KICS2: variants seen among roughly 807,000 people sequenced by gnomAD.
The protein encoded by KICS2 is KICSTOR complex protein C12orf66.
Under a neutral mutation model 31.4 loss-of-function variants are expected in KICS2, and 13 were observed. That is an observed-to-expected ratio of 0.41 (90% confidence interval 0.27 to 0.66). KICS2 has a LOEUF of 0.66. KICS2 is among the 30% of genes least tolerant of loss of function. The pLI, the probability that KICS2 is intolerant of heterozygous loss-of-function variation, is 0.28. For missense variants in KICS2, 455 were observed against 545.4 expected (o/e 0.83, Z 1.65); for synonymous variants, 209 against 214.8 (o/e 0.97, Z 0.24).
At chr12:64,188,716 G>T (rs1387172307), downstream of KICS2, among the ~76,000 whole-genome samples, 1 of 152,120 alleles carries the variant, frequency 6.6e-6, no homozygotes, top group African/African-American at 2.4e-5. Flanking sequence ...AAATCTTGTG[G>T]TCAGGGAGAA....
At chr12:64,199,605 A>T (rs903934237) in intron 2 of KICS2, among the ~76,000 whole-genome samples, 8 of 149,732 alleles carry the variant, frequency 5.3e-5, no homozygotes, top group Middle Eastern at 3.4e-3. Flanking sequence ...CTGGCCAGGG[A>T]AATTAGGCAA....
intron 2 of KICS2, among the ~76,000 whole-genome samples, chr12:64,201,605 T>TAAAAAAAAAAAAAAAAAAAAAAAAAAAA (rs531373424): frequency 8.6e-6 from 1 of 115,650 alleles, no homozygotes; most frequent in Non-Finnish European, 1.7e-5. Flanking sequence ...TAAAGTATAA[T>TAAAAAAAAAAAAAAAAAAAAAAAAAAAA]AAAAAAAAAA....
At chr12:64,210,387 T>C (rs542040868) in intron 2 of KICS2, among the ~76,000 whole-genome samples, 1 of 152,278 alleles carries the variant, frequency 6.6e-6, no homozygotes, top group Admixed American at 6.5e-5. Context: ...CTAAGAACTT[T>C]GAAAATTAAA....
chr12:64,186,812 G>C (rs1365912948), downstream of KICS2: 1 of 152,130 alleles, frequency 6.6e-6, no homozygotes, highest in Non-Finnish European at 1.5e-5. Flanking sequence ...GTTGGTCTTG[G>C]TTAACTGCTA....
chr12:64,209,911 A>G (rs2037569043), intron 2 of KICS2, among the ~76,000 whole-genome samples: 1 of 152,216 alleles, frequency 6.6e-6, no homozygotes, highest in South Asian at 2.1e-4. Flanking sequence ...AGATAAATGG[A>G]TCCTTTGGGA....
At chr12:64,206,895 A>C (rs1277587897) in intron 2 of KICS2, among the ~76,000 whole-genome samples, 2 of 152,194 alleles carry the variant, frequency 1.3e-5, no homozygotes, top group African/African-American at 2.4e-5. Context: ...GAGGGGGGAA[A>C]ATGTTGCTCA....
intron 2 of KICS2, among the ~76,000 whole-genome samples, chr12:64,203,158 G>C (rs1385149569): frequency 1.3e-5 from 2 of 152,138 alleles, no homozygotes; most frequent in Admixed American, 6.5e-5. Flanking sequence ...TTTGTCTCTA[G>C]AACTTTATGA....
intron 1 of KICS2, 197 bp downstream of exon 1, chr12:64,221,802 AATCT>A (rs2037685963): frequency 3.0e-6 from 2 of 659,096 alleles, no homozygotes. Flanking sequence ...CCAGTTCGCC[AATCT>A]ATCAGCAGCG....
At chr12:64,215,183 G>A (rs565626478) in intron 2 of KICS2, among the ~76,000 whole-genome samples, 9 of 151,704 alleles carry the variant, frequency 5.9e-5, no homozygotes, top group African/African-American at 1.7e-4. Flanking sequence ...GGTGTGGCGT[G>A]TACCTATAAT....
At chr12:64,214,473 G>A (rs1398967060) in intron 2 of KICS2, among the ~76,000 whole-genome samples, 3 of 152,148 alleles carry the variant, frequency 2.0e-5, no homozygotes, top group African/African-American at 7.2e-5. Context: ...AAGAGAGAAA[G>A]AATTGCAAGT....
At chr12:64,207,943 T>C (rs2037554187) in intron 2 of KICS2, among the ~76,000 whole-genome samples, 1 of 152,208 alleles carries the variant, frequency 6.6e-6, no homozygotes, top group African/African-American at 2.4e-5. Context: ...TATTGAGTAT[T>C]AGACTATGGG....
At chr12:64,188,517 G>C (rs138339299), downstream of KICS2, among the ~76,000 whole-genome samples, 114 of 151,006 alleles carry the variant, frequency 7.5e-4, 1 homozygote, top group East Asian at 0.016. Context: ...AGAAGAAAAA[G>C]GTAAGAGGAT....
At chr12:64,215,595 A>T in intron 2 of KICS2, 83 bp downstream of exon 2, 1 of 1,187,676 alleles carries the variant, frequency 8.4e-7, no homozygotes, top group South Asian at 1.5e-5. Context: ...ACAGATTTTC[A>T]TAAGAGTGTG....
chr12:64,200,288 G>T (rs2037477329), intron 2 of KICS2, among the ~76,000 whole-genome samples: 1 of 29,474 alleles, frequency 3.4e-5, no homozygotes, highest in African/African-American at 1.6e-4. Context: ...AGAGCCCTCA[G>T]AAATAATGCC....
At chr12:64,212,915 CCCT>C (rs1278158937) in intron 2 of KICS2, among the ~76,000 whole-genome samples, 1 of 151,740 alleles carries the variant, frequency 6.6e-6, no homozygotes, top group Non-Finnish European at 1.5e-5. Flanking sequence ...CATGGAGAAA[CCCT>C]GTCTCTACCA....
intron 2 of KICS2, 80 bp downstream of exon 2, chr12:64,215,598 A>G: frequency 8.3e-7 from 1 of 1,204,050 alleles, no homozygotes. Context: ...GATTTTCATA[A>G]GAGTGTGGAG....
intron 2 of KICS2, among the ~76,000 whole-genome samples, chr12:64,206,853 CAG>C (rs1335013229): frequency 1.3e-5 from 2 of 151,980 alleles, no homozygotes; most frequent in East Asian, 1.9e-4. Context: ...CTCATGGAAA[CAG>C]AAAACAGAAC....
intron 2 of KICS2, among the ~76,000 whole-genome samples, chr12:64,204,336 A>G (rs2037517905): frequency 6.6e-6 from 1 of 152,224 alleles, no homozygotes; most frequent in Non-Finnish European, 1.5e-5. Context: ...ACAAACCTGC[A>G]CATTCTGCAC....
chr12:64,211,679 G>A (rs2037583980), intron 2 of KICS2, among the ~76,000 whole-genome samples: 1 of 152,016 alleles, frequency 6.6e-6, no homozygotes, highest in Admixed American at 6.6e-5. Context: ...AAGTGGCTAA[G>A]AGGAAGGAAG....
Sources: gnomAD v4.1 joint callset for allele counts (sites outside exome capture counted in the v4.1 genomes callset) on GRCh38, gnomAD v4.1.1 for gene constraint, MANE v1.5 for transcripts, NCBI Gene and HGNC (gene_info 2026-07-23, HGNC 2026-07-21) for gene names.